Variants in GALNT13 observed in about 807,000 individuals in gnomAD.
The protein encoded by GALNT13 is polypeptide N-acetylgalactosaminyltransferase 13, also known as UDP-GalNAc:polypeptide N-acetylgalactosaminyltransferase 13.
Under a neutral mutation model 64.2 loss-of-function variants are expected in GALNT13, and 28 were observed. The ratio of observed to expected loss-of-function variants is 0.44; its 90% confidence interval spans 0.32 to 0.60. The LOEUF is 0.60. GALNT13 is among the 20% of genes least tolerant of loss of function. The pLI is 0.05. For synonymous variants in GALNT13, 214 were observed against 224.6 expected, an observed-to-expected ratio of 0.95 and a Z score of 0.42; for missense variants, 577 against 669.8, an observed-to-expected ratio of 0.86 and a Z score of 1.53.
At chr2:153,907,723 AG>A (rs1688673760) in intron 2 of GALNT13, among the ~76,000 whole-genome samples, 1 of 151,996 alleles carries the variant, frequency 6.6e-6, no homozygotes, top group South Asian at 2.1e-4. Flanking sequence ...GTTACTGCAA[AG>A]GATATGATCT....
chr2:154,147,595 T>G (rs1039663553), intron 4 of GALNT13, among the ~76,000 whole-genome samples: 1 of 151,872 alleles, frequency 6.6e-6, no homozygotes, highest in Non-Finnish European at 1.5e-5. Context: ...GGAGGGCCAA[T>G]GAAACTCTTT....
At chr2:154,110,714 C>T (rs1312841556) in intron 3 of GALNT13, among the ~76,000 whole-genome samples, 1 of 152,080 alleles carries the variant, frequency 6.6e-6, no homozygotes, top group Non-Finnish European at 1.5e-5. Flanking sequence ...TCTCCTTTGG[C>T]AACAACCTCA....
At chr2:154,114,987 C>T (rs192648569) in intron 3 of GALNT13, among the ~76,000 whole-genome samples, 156 of 152,258 alleles carry the variant, frequency 1.0e-3, no homozygotes, top group African/African-American at 3.6e-3. Context: ...TGGTTCCCAC[C>T]GTTAGATCTG....
intron 2 of GALNT13, among the ~76,000 whole-genome samples, chr2:153,920,168 A>G (rs1023913971): frequency 2.0e-5 from 3 of 151,846 alleles, no homozygotes; most frequent in Non-Finnish European, 4.4e-5. Flanking sequence ...GTAGGTGCAC[A>G]TGACTTAGGT....
intron 1 of GALNT13, among the ~76,000 whole-genome samples, chr2:153,884,785 A>ATATATATATATATATATATATATATGTG (rs1450308010): frequency 1.6e-5 from 2 of 122,504 alleles, no homozygotes; most frequent in African/African-American, 3.5e-5. Context: ...ATATATATAT[A>ATATATATATATATATATATATATATGTG]TGTGTGTGTA....
chr2:154,445,821 A>G (rs1701538798), intron 12 of GALNT13: 2 of 1,288,294 alleles, frequency 1.6e-6, no homozygotes, highest in African/African-American at 1.5e-5. Flanking sequence ...GTGTCTCCCA[A>G]GGGCAGGCAC....
the GALNT13 span, among the ~76,000 whole-genome samples, chr2:153,701,509 TA>T: frequency 6.6e-6 from 1 of 152,064 alleles, no homozygotes; most frequent in Admixed American, 6.5e-5. Context: ...CTAAATAAAC[TA>T]AAGAGCTTCT....
chr2:153,192,199 C>T, the GALNT13 span, among the ~76,000 whole-genome samples: 1 of 151,818 alleles, frequency 6.6e-6, no homozygotes, highest in African/African-American at 2.4e-5. Flanking sequence ...TCTATCTTAG[C>T]ATTGTTTTTG....
the GALNT13 span, among the ~76,000 whole-genome samples, chr2:153,525,773 T>A: frequency 6.6e-6 from 1 of 152,036 alleles, no homozygotes; most frequent in African/African-American, 2.4e-5. Flanking sequence ...AGGGCTTAGT[T>A]CTTAGATGGC....
the GALNT13 span, among the ~76,000 whole-genome samples, chr2:153,082,591 A>ATATATATATATATT: frequency 2.6e-5 from 1 of 38,626 alleles, no homozygotes; most frequent in African/African-American, 1.1e-4. Flanking sequence ...ATATATATAT[A>ATATATATATATATT]TATATATATA....
chr2:153,199,115 G>T, the GALNT13 span, among the ~76,000 whole-genome samples: 118 of 152,306 alleles, frequency 7.7e-4, no homozygotes, highest in African/African-American at 2.5e-3. Flanking sequence ...TGATCCTGTG[G>T]GATCATCCCA....
chr2:153,096,378 G>T, the GALNT13 span, among the ~76,000 whole-genome samples: 2 of 151,998 alleles, frequency 1.3e-5, no homozygotes, highest in Admixed American at 1.3e-4. Flanking sequence ...ATATCTATTA[G>T]ATTCCTTTGG....
chr2:153,517,329 A>C, the GALNT13 span, among the ~76,000 whole-genome samples: 2 of 152,200 alleles, frequency 1.3e-5, no homozygotes, highest in African/African-American at 4.8e-5. Context: ...CCAGGGGGTG[A>C]AACTAATACG....
the GALNT13 span, among the ~76,000 whole-genome samples, chr2:153,646,054 A>G: frequency 1.3e-5 from 2 of 152,048 alleles, no homozygotes; most frequent in African/African-American, 4.8e-5. Flanking sequence ...TTTTGGTGTA[A>G]TAATGCCAAA....
the GALNT13 span, among the ~76,000 whole-genome samples, chr2:153,560,732 T>C: frequency 6.6e-6 from 1 of 152,066 alleles, no homozygotes. Context: ...GGCCTTAAAG[T>C]ATTTTAACAT....
In GALNT13 at chr2:154,452,431, G is replaced by A. The variant is rs1415299570; in HGVS notation, c.*1880G>A. On this transcript the variant is annotated 3_prime_UTR_variant, in exon 13 of 13. Transcript: ENST00000392825. ...CTCATTTCCTCTTCTCCTTACTAAG[G>A]TAAAAAGACCCTGCACAGCATTATT... 3 of 151,692 alleles carry A rather than the reference G, an allele frequency of 2.0e-5. No homozygotes were observed. The highest frequency in any genetic ancestry group is 6.6e-5 in the Admixed American group (1 of 15,202). The allele number at this position is 151,692 out of a possible 1,614,324, so 9.4% of individuals were successfully genotyped here. A position where few individuals can be genotyped will look rare whatever the true frequency, so the allele number is the denominator to read the frequency against.
chr2:154,067,840 A>G (rs1382400921), intron 3 of GALNT13, among the ~76,000 whole-genome samples: 2 of 152,102 alleles, frequency 1.3e-5, no homozygotes. Flanking sequence ...CCACAAGTAC[A>G]TGCAACCAAA....
chr2:154,045,822 T>A (rs996663670), intron 3 of GALNT13, among the ~76,000 whole-genome samples: 4 of 152,194 alleles, frequency 2.6e-5, no homozygotes, highest in African/African-American at 9.6e-5. Context: ...GCAGAGGAAA[T>A]CCAGATTGTA....
At chr2:153,192,745 A>G in the GALNT13 span, among the ~76,000 whole-genome samples, 1 of 151,920 alleles carries the variant, frequency 6.6e-6, no homozygotes, top group African/African-American at 2.4e-5. Context: ...TCATTATGTT[A>G]TGACCTTCTT....
Sources: allele counts gnomAD v4.1 joint callset (sites outside exome capture counted in the v4.1 genomes callset), GRCh38; gene constraint gnomAD v4.1.1; transcripts MANE v1.5; gene names NCBI Gene and HGNC (gene_info 2026-07-23, HGNC 2026-07-21).